Variants in ZNF488 observed in about 807,000 individuals in gnomAD.
ZNF488 encodes zinc finger protein 488.
Under a neutral mutation model 1.2 loss-of-function variants are expected in ZNF488, and 1 was observed. That is an observed-to-expected ratio of 0.86 (90% CI 0.30 to 4.07). ZNF488 has a LOEUF of 4.07. Among genes scored for constraint, ZNF488 ranks in the 30% most tolerant of loss-of-function variants. The pLI, the probability that ZNF488 is intolerant of heterozygous loss-of-function variation, is 0.18. For missense variants in ZNF488, 450 were observed against 437.9 expected, an observed-to-expected ratio of 1.03 and a Z score of -0.25; for synonymous variants, 185 against 190.1, an observed-to-expected ratio of 0.97 and a Z score of 0.22.
chr10:47,383,060 A>G (rs1241308297), intron 1 of ZNF488, among the ~76,000 whole-genome samples: 3 of 152,212 alleles, frequency 2.0e-5, no homozygotes, highest in Admixed American at 1.3e-4. Flanking sequence ...CCAAGAAACA[A>G]AAAATTGCCT....
At chr10:47,376,365 C>T (rs1837682512) in intron 1 of ZNF488, among the ~76,000 whole-genome samples, 1 of 152,148 alleles carries the variant, frequency 6.6e-6, no homozygotes, top group South Asian at 2.1e-4. Flanking sequence ...GAGGAAAAGA[C>T]TGAGGGGCAG....
chr10:47,368,384 G>A lies in ZNF488; in HGVS notation c.446C>T (p.Ser149Phe), dbSNP rs369171763. Residue 149 changes from serine (S) to phenylalanine (F), a missense_variant, in exon 2 of 2, where the codon TCT (serine) becomes TTT (phenylalanine). Transcript: ENST00000585316. ...PRGPAGSKVF[S>F]VWPSGARSEQ... ...ACTTCGTGCTCCGCTGGGCCACACA[G>A]AGAAGACTTTGCTGCCAGCTGGGCC... 5 of 1,614,070 alleles carry A rather than the reference G, an allele frequency of 3.1e-6. No homozygotes were observed. The highest frequency in any genetic ancestry group is 4.2e-6 in the Non-Finnish European group (5 of 1,180,048).
chr10:47,378,018 T>G (rs1370541477), intron 1 of ZNF488, among the ~76,000 whole-genome samples: 1 of 152,060 alleles, frequency 6.6e-6, no homozygotes, highest in Non-Finnish European at 1.5e-5. Flanking sequence ...AGGATGGGTC[T>G]GGCTGTGCCT....
chr10:47,369,492 G>T (rs1230283365), intron 1 of ZNF488, among the ~76,000 whole-genome samples: 1 of 151,636 alleles, frequency 6.6e-6, no homozygotes, highest in Non-Finnish European at 1.5e-5. Context: ...CATGGTCTTT[G>T]CTCCTCATGC....
intron 1 of ZNF488, among the ~76,000 whole-genome samples, 155 bp downstream of exon 1, chr10:47,384,065 A>T (rs1588894401): frequency 6.6e-6 from 1 of 152,268 alleles, no homozygotes; most frequent in Non-Finnish European, 1.5e-5. Context: ...TGGGAGAGAG[A>T]GGAAGCTGGC....
intron 1 of ZNF488, among the ~76,000 whole-genome samples, chr10:47,369,486 G>C (rs1197776466): frequency 6.6e-6 from 1 of 151,964 alleles, no homozygotes; most frequent in Non-Finnish European, 1.5e-5. Context: ...GGACTTCATG[G>C]TCTTTGCTCC....
chr10:47,383,734 C>T (rs1203148257), intron 1 of ZNF488, among the ~76,000 whole-genome samples: 2 of 152,086 alleles, frequency 1.3e-5, no homozygotes, highest in Non-Finnish European at 2.9e-5. Context: ...TGGTTCTTAC[C>T]CTACTGCCCA....
intron 1 of ZNF488, among the ~76,000 whole-genome samples, chr10:47,378,724 T>A (rs1837791537): frequency 6.6e-6 from 1 of 152,172 alleles, no homozygotes; most frequent in Non-Finnish European, 1.5e-5. Flanking sequence ...AAAGTGAACA[T>A]AAAACCTCAC....
Position 47,368,369 on chromosome 10 carries a change from C to T in ZNF488, c.461G>A (p.Gly154Glu). 1 of 1,614,176 alleles carries T rather than the reference C, an allele frequency of 6.2e-7. No individual in the cohort carries two copies. Among genetic ancestry groups the T allele is most frequent in the Non-Finnish European group, 8.5e-7 (1 of 1,180,046 alleles). ...GGCGCTTCTTTGCTCACTTCGTGCT[C>T]CGCTGGGCCACACAGAGAAGACTTT... is the stretch of plus-strand genomic sequence containing the variant. ...GSKVFSVWPSGARSEQRSAFS... is the reference protein window; with the variant it reads ...GSKVFSVWPSEARSEQRSAFS... The change falls in exon 2 of 2, where the codon GGA becomes GAA. Residue 154 changes from glycine to glutamate, a missense_variant. Gly to Glu is a moderately conservative substitution (Grantham distance 98). Transcript: ENST00000585316.
At chr10:47,371,762 G>A (rs1837477567) in intron 1 of ZNF488, among the ~76,000 whole-genome samples, 1 of 152,104 alleles carries the variant, frequency 6.6e-6, no homozygotes, top group Non-Finnish European at 1.5e-5. Flanking sequence ...ACTGCTCCAG[G>A]AAATCATTCT....
rs576150819 is a variant in ZNF488 at position 47,367,693 on chromosome 10, C to T, written c.*114G>A. On this transcript the variant is annotated 3_prime_UTR_variant, in exon 2 of 2. Coordinates refer to ENST00000585316, the MANE Select transcript of ZNF488 (RefSeq NM_153034.4). ...TGCCTGAGCTGTTTATCTATGAATG[C>T]CAAAAGCAGCAGCTCTGCAAAGGAC... 2 of 1,238,588 alleles carry T rather than the reference C, an allele frequency of 1.6e-6. No individual in the cohort carries two copies. The highest frequency in any genetic ancestry group is 2.2e-6 in the Non-Finnish European group (2 of 890,172). 76.7% of individuals were successfully genotyped at this position (1,238,588 alleles called of 1,614,324 possible).
chr10:47,374,314 T>C (rs1837593973), intron 1 of ZNF488, among the ~76,000 whole-genome samples: 1 of 152,366 alleles, frequency 6.6e-6, no homozygotes, highest in Non-Finnish European at 1.5e-5. Flanking sequence ...TAATCAGCTG[T>C]GACACAGCAT....
At chr10:47,369,010 T>C (rs1165309891) in intron 1 of ZNF488, 73 bp from the exon 2 acceptor site, 1 of 691,400 alleles carries the variant, frequency 1.4e-6, no homozygotes, top group Non-Finnish European at 2.3e-6. Context: ...TGAGCTGGCA[T>C]CAGACAGGAC....
At position 47,369,402 on chromosome 10, in the gene ZNF488, C is replaced by T. The variant is rs1277807944; in HGVS notation, c.-108-465G>A. Among the ~76,000 whole-genome samples the T allele has an allele frequency of 2.6e-5, 4 of 152,178 alleles. No homozygotes were observed. In the East Asian group the frequency reaches 7.7e-4, roughly 29 times the overall value. On this transcript the variant is annotated intron_variant, in intron 1 of 1. Coordinates refer to ENST00000585316, the MANE Select transcript of ZNF488 (RefSeq NM_153034.4). ...CCTCAGCCCCTGCTCCATGCTCGAG[C>T]TACCTCTGGCCCTGGCTGAGTGCTG...
intron 1 of ZNF488, among the ~76,000 whole-genome samples, chr10:47,371,177 G>A (rs1837454124): frequency 1.3e-5 from 2 of 152,208 alleles, no homozygotes; most frequent in Admixed American, 1.3e-4. Context: ...ACATAGTTCT[G>A]CAGTGGGAGA....
chr10:47,368,591 G>T lies in ZNF488; in HGVS notation c.239C>A (p.Pro80Gln). ...GSAELALLVA[P>Q]GKPRPGKPLP... ...CGGCTTGCCAGGTCGGGGCTTGCCTGGGGCTACCAACAGTGCCAGCTCCGC... is the reference window on the plus strand; with the variant it reads ...CGGCTTGCCAGGTCGGGGCTTGCCTTGGGCTACCAACAGTGCCAGCTCCGC... Residue 80 changes from proline to glutamine, a missense_variant, in exon 2 of 2, where the codon CCA becomes CAA. Transcript: ENST00000585316. The T allele has an allele frequency of 6.2e-7, 1 of 1,610,736 alleles. No individual in the cohort carries two copies. Among genetic ancestry groups the T allele is most frequent in the Non-Finnish European group, 8.5e-7 (1 of 1,179,832 alleles).
chr10:47,377,562 C>T (rs1219188819), intron 1 of ZNF488, among the ~76,000 whole-genome samples: 1 of 151,964 alleles, frequency 6.6e-6, no homozygotes, highest in East Asian at 1.9e-4. Flanking sequence ...CTCACACACA[C>T]ACACAGCTGC....
intron 1 of ZNF488, among the ~76,000 whole-genome samples, chr10:47,378,500 G>A (rs1246963883): frequency 6.6e-6 from 1 of 152,156 alleles, no homozygotes; most frequent in Non-Finnish European, 1.5e-5. Flanking sequence ...CAGGGCTCAG[G>A]GAGAATCTAG....
chr10:47,377,654 G>A (rs536768475), intron 1 of ZNF488, among the ~76,000 whole-genome samples: 4 of 126,284 alleles, frequency 3.2e-5, no homozygotes, highest in Non-Finnish European at 4.9e-5. Context: ...GCCACCCAGA[G>A]GAGCCAGCAA....
Sources: allele counts gnomAD v4.1 joint callset (sites outside exome capture counted in the v4.1 genomes callset), GRCh38; gene constraint gnomAD v4.1.1; transcripts MANE v1.5; gene names NCBI Gene and HGNC (gene_info 2026-07-23, HGNC 2026-07-21).